Variants in SYNE1 observed in about 807,000 individuals in gnomAD.
SYNE1 encodes the protein nesprin-1.
A neutral mutation model predicts 1,111.0 loss-of-function variants in SYNE1; 616 were observed. The observed-to-expected ratio is 0.55, with a 90% CI of 0.52 to 0.59. The LOEUF (loss-of-function observed/expected upper bound fraction) is 0.59, where lower values mean the gene tolerates loss of function less well. SYNE1 is among the 20% of genes least tolerant of loss of function. The pLI is 0.00. For synonymous variants in SYNE1, 3,855 were observed against 3,825.8 expected (o/e 1.01, Z -0.28); for missense variants, 10,006 against 10,417.0 (o/e 0.96, Z 1.72).
At chr6:152,346,835 A>G (rs977585722) in intron 73 of SYNE1, among the ~76,000 whole-genome samples, 3 of 150,096 alleles carry the variant, frequency 2.0e-5, no homozygotes, top group Non-Finnish European at 3.0e-5. Context: ...AAACAAAAAA[A>G]CCAATATCTG....
chr6:152,405,957 T>C (rs1236531324), intron 45 of SYNE1, among the ~76,000 whole-genome samples: 1 of 152,082 alleles, frequency 6.6e-6, no homozygotes. Flanking sequence ...TCCACTTTTA[T>C]CATAGCCCAA....
chr6:152,355,171 A>G (rs899781682), intron 66 of SYNE1, among the ~76,000 whole-genome samples, 195 bp from the exon 67 acceptor site: 16 of 152,190 alleles, frequency 1.1e-4, no homozygotes, highest in African/African-American at 3.9e-4. Flanking sequence ...AACTTTTTCA[A>G]TTAAAATAAT....
rs75310439 is a variant in SYNE1, at chr6:152,540,485, G to A, written c.68-464C>T. Among the ~76,000 whole-genome samples, 1,199 of 152,316 alleles carry A rather than the reference G, an allele frequency of 7.9e-3. 21 individuals carry two copies. The highest frequency in any genetic ancestry group is 0.027 in the African/African-American group (1,130 of 41,568). The stretch of plus-strand genomic sequence containing the variant: ...CACAGTAATGCAATAAGATAGAGCC[G>A]TATACATGAAGCAAAAAAGGAACTT... On this transcript the variant is annotated intron_variant, in intron 3 of 145. Transcript: ENST00000367255.
At chr6:152,376,246 C>T (rs2097279551) in intron 58 of SYNE1, 135 bp downstream of exon 58, 1 of 858,986 alleles carries the variant, frequency 1.2e-6, no homozygotes, top group Non-Finnish European at 1.9e-6. Flanking sequence ...TGCTCACCTC[C>T]TGCTGTGCGG....
At chr6:152,393,677 C>T (rs1462090115) in intron 51 of SYNE1, among the ~76,000 whole-genome samples, 1 of 152,078 alleles carries the variant, frequency 6.6e-6, no homozygotes, top group South Asian at 2.1e-4. Flanking sequence ...AGTCATCAAA[C>T]TAGCATACCA....
chr6:152,625,953 A>T (rs1176293999), intron 3 of SYNE1, among the ~76,000 whole-genome samples: 1 of 152,176 alleles, frequency 6.6e-6, no homozygotes, highest in Non-Finnish European at 1.5e-5. Context: ...AGCAATCCAC[A>T]TTTTGCAAAT....
rs766625615 is a variant in SYNE1, at chr6:152,300,779, C to T, written c.17544G>A (p.Met5848Ile). ...TPSAHPSVVM[M>I]TAGRCHTLLS... ...GCAAAGTGTGACAGCGACCTGCAGTCATCTGCCACGTAAAATGTAGCCCAA... is the reference window on the plus strand; with the variant it reads ...GCAAAGTGTGACAGCGACCTGCAGTTATCTGCCACGTAAAATGTAGCCCAA... Residue 5848 changes from methionine (M) to isoleucine (I), a missense_variant and splice_region_variant, in exon 93 of 146, where the codon ATG becomes ATA. Physicochemically the swap from Met to Ile is conservative, Grantham distance 10. Transcript: ENST00000367255. The T allele has an allele frequency of 2.5e-6, 4 of 1,614,204 alleles. No individual in the cohort carries two copies. The Admixed American group carries it at 6.7e-5, about 27-fold the overall frequency.
intron 127 of SYNE1, among the ~76,000 whole-genome samples, chr6:152,197,003 C>T (rs920398533): frequency 5.3e-5 from 8 of 152,188 alleles, no homozygotes; most frequent in Non-Finnish European, 1.2e-4. Context: ...TAAATGCTCC[C>T]TCCGTGGGCA....
chr6:152,588,592 C>T (rs2099547813), intron 3 of SYNE1, among the ~76,000 whole-genome samples: 1 of 152,126 alleles, frequency 6.6e-6, no homozygotes, highest in Admixed American at 6.5e-5. Context: ...TCAAGCTGCC[C>T]CTACATTATG....
intron 18 of SYNE1, 131 bp downstream of exon 18, chr6:152,465,126 AC>A: frequency 2.9e-6 from 3 of 1,030,110 alleles, no homozygotes; most frequent in Non-Finnish European, 4.4e-6. Flanking sequence ...TGAAAGTGCA[AC>A]TTTTCAGGCA....
At chr6:152,590,039 C>A (rs969773317) in intron 3 of SYNE1, among the ~76,000 whole-genome samples, 1 of 151,232 alleles carries the variant, frequency 6.6e-6, no homozygotes, top group Non-Finnish European at 1.5e-5. Flanking sequence ...GCTCAAGCAA[C>A]CCTCTTGCCT....
At chr6:152,316,748 C>T (rs2095734286) in intron 87 of SYNE1, 101 bp downstream of exon 87, 1 of 1,452,028 alleles carries the variant, frequency 6.9e-7, no homozygotes, top group Non-Finnish European at 9.5e-7. Flanking sequence ...CTGGTAGCTC[C>T]AAAAATTTTA....
intron 3 of SYNE1, among the ~76,000 whole-genome samples, chr6:152,602,595 C>T (rs890087990): frequency 6.6e-6 from 1 of 152,236 alleles, no homozygotes; most frequent in African/African-American, 2.4e-5. Context: ...GTACTTTCCA[C>T]AGGCCCATGT....
intron 82 of SYNE1, among the ~76,000 whole-genome samples, chr6:152,322,214 G>A (rs901287146): frequency 5.9e-5 from 9 of 151,992 alleles, no homozygotes; most frequent in African/African-American, 2.2e-4. Context: ...AAAGTAATGT[G>A]TAATTGGAAT....
At chr6:152,204,991 T>G (rs933023998) in intron 126 of SYNE1, among the ~76,000 whole-genome samples, 4 of 152,186 alleles carry the variant, frequency 2.6e-5, no homozygotes, top group Non-Finnish European at 5.9e-5. Flanking sequence ...ACCTGGCATA[T>G]TACATTACTG....
chr6:152,494,437 C>T (rs1349869674), intron 11 of SYNE1, among the ~76,000 whole-genome samples: 2 of 152,170 alleles, frequency 1.3e-5, no homozygotes, highest in Non-Finnish European at 2.9e-5. Context: ...CTGTTCCTCA[C>T]CCTGATCACA....
intron 51 of SYNE1, among the ~76,000 whole-genome samples, chr6:152,393,890 A>T (rs774849065): frequency 2.6e-4 from 40 of 152,274 alleles, no homozygotes; most frequent in Non-Finnish European, 4.4e-4. Context: ...GGTTTGTTAC[A>T]TAGGTATACA....
intron 3 of SYNE1, among the ~76,000 whole-genome samples, chr6:152,586,856 C>T (rs2099541178): frequency 6.6e-6 from 1 of 152,122 alleles, no homozygotes; most frequent in African/African-American, 2.4e-5. Flanking sequence ...CATTTGGTAA[C>T]ACATTACTGT....
chr6:152,155,872 C>G (rs2061289824), intron 132 of SYNE1, 38 bp downstream of exon 132: 3 of 1,611,368 alleles, frequency 1.9e-6, no homozygotes, highest in Non-Finnish European at 2.5e-6. Context: ...TCTTTTTGGT[C>G]TTTCCTCTTC....
Sources: gnomAD v4.1 joint callset for allele counts (sites outside exome capture counted in the v4.1 genomes callset) on GRCh38, gnomAD v4.1.1 for gene constraint, MANE v1.5 for transcripts, NCBI Gene and HGNC (gene_info 2026-07-23, HGNC 2026-07-21) for gene names.